The following PTPN12 variants were observed in gnomAD, a reference collection of about 807,000 sequenced individuals.
PTPN12 encodes protein tyrosine phosphatase non-receptor type 12.
PTPN12 carries 29 observed loss-of-function variants against 97.6 expected under a neutral mutation model. The observed-to-expected ratio is 0.30, with a 90% CI of 0.22 to 0.41. The LOEUF (loss-of-function observed/expected upper bound fraction) is 0.41, where lower values mean the gene tolerates loss of function less well. Among genes scored for constraint, PTPN12 ranks in the 10% least tolerant of loss-of-function variants. PTPN12 has a pLI of 1.00. For missense variants in PTPN12, 819 were observed against 926.0 expected, an observed-to-expected ratio of 0.88 and a Z score of 1.50; for synonymous variants, 327 against 300.4, an observed-to-expected ratio of 1.09 and a Z score of -0.91.
rs1010970376 is a variant in PTPN12, at chr7:77,544,299, A to C, written c.99+6654A>C. On this transcript the variant is annotated intron_variant, in intron 1 of 17. Transcript: ENST00000248594. ...GCTAGAGTGATAGGAAATATTTTCC[A>C]GTCCTTGCATTTGAGCTAATCTTAG... 3.3e-5 allele frequency among the ~76,000 whole-genome samples: 5 copies of C among 152,322 alleles called. No individual in the cohort carries two copies. The South Asian group carries it at 1.0e-3, about 32-fold the overall frequency.
intron 2 of PTPN12, among the ~76,000 whole-genome samples, chr7:77,573,460 T>C (rs892852885): frequency 3.9e-5 from 6 of 152,164 alleles, no homozygotes; most frequent in South Asian, 2.1e-4. Flanking sequence ...TAAAAGCTGG[T>C]AATCCCATTC....
intron 2 of PTPN12, among the ~76,000 whole-genome samples, chr7:77,573,970 A>G (rs746937076): frequency 6.6e-6 from 1 of 152,214 alleles, no homozygotes; most frequent in African/African-American, 2.4e-5. Context: ...CATGTTGGCC[A>G]GGCTGCTCTC....
intron 1 of PTPN12, among the ~76,000 whole-genome samples, chr7:77,546,092 C>T (rs1370027949): frequency 6.6e-6 from 1 of 152,118 alleles, no homozygotes; most frequent in Non-Finnish European, 1.5e-5. Flanking sequence ...TGACCACACA[C>T]AGCTACTTTT....
chr7:77,629,999 C>T (rs1032434281), intron 13 of PTPN12, among the ~76,000 whole-genome samples: 8 of 150,056 alleles, frequency 5.3e-5, no homozygotes, highest in African/African-American at 1.7e-4. Context: ...TGTGCCAGCT[C>T]ATTTCTGTTT....
chr7:77,547,460 TC>T (rs879442264), intron 1 of PTPN12, among the ~76,000 whole-genome samples: 69 of 152,230 alleles, frequency 4.5e-4, no homozygotes, highest in Non-Finnish European at 8.5e-4. Context: ...GGAGTTTGGG[TC>T]CCTTAGACTA....
At position 77,607,253 on chromosome 7, in the gene PTPN12, A is replaced by G. The variant is rs1252982173; in HGVS notation, c.714A>G (p.Thr238=). 4.3e-6 allele frequency: 7 copies of G among 1,609,990 alleles called. No individual in the cohort carries two copies. The highest frequency in any genetic ancestry group is 5.9e-6 in the Non-Finnish European group (7 of 1,178,200). The change falls in exon 9 of 18, where the codon ACA becomes ACG. Residue 238 remains threonine, a synonymous_variant. Coordinates refer to ENST00000248594, the MANE Select transcript of PTPN12 (RefSeq NM_002835.4). The part of the protein sequence containing the change: ...CIHCSAGCGR[T]GAICAIDYTW... ...TCCTTAGTGCAGGCTGTGGAAGAAC[A>G]GGTGCCATTTGTGCCATAGATTATA...
intron 1 of PTPN12, among the ~76,000 whole-genome samples, chr7:77,559,746 C>T (rs1026412924): frequency 6.8e-6 from 1 of 146,792 alleles, no homozygotes; most frequent in Non-Finnish European, 1.5e-5. Context: ...TGTGATGTTC[C>T]GAATGGGTTA....
At position 77,584,589 on chromosome 7, in the gene PTPN12, C is replaced by T. The variant is rs796739543; in HGVS notation, c.381+939C>T. On this transcript the variant is annotated intron_variant, in intron 4 of 17. Coordinates refer to ENST00000248594, the MANE Select transcript of PTPN12 (RefSeq NM_002835.4). The stretch of plus-strand genomic sequence containing the variant: ...CTGGAAACAATATAAAAATTATGTT[C>T]TAGATTGGCCGCGTGGGGTGGCTCA... Among the ~76,000 whole-genome samples the T allele has an allele frequency of 4.7e-4, 71 of 152,210 alleles. 1 individual carries two copies. The highest frequency in any genetic ancestry group is 1.7e-3 in the African/African-American group (70 of 41,538).
At chr7:77,630,532 C>G (rs1408981779) in intron 13 of PTPN12, among the ~76,000 whole-genome samples, 1 of 152,092 alleles carries the variant, frequency 6.6e-6, no homozygotes, top group Non-Finnish European at 1.5e-5. Context: ...AATTGTAACA[C>G]AATGGTAAGT....
intron 12 of PTPN12, among the ~76,000 whole-genome samples, chr7:77,620,995 C>A (rs1035923197): frequency 1.3e-5 from 2 of 152,088 alleles, no homozygotes; most frequent in African/African-American, 4.8e-5. Flanking sequence ...GGCATAGTGG[C>A]TCACGCCTGT....
intron 14 of PTPN12, among the ~76,000 whole-genome samples, chr7:77,632,906 G>A (rs752531816): frequency 6.6e-5 from 10 of 152,194 alleles, no homozygotes; most frequent in Non-Finnish European, 1.0e-4. Flanking sequence ...GCAGTGAGCC[G>A]AGATTGCGCC....
intron 1 of PTPN12, among the ~76,000 whole-genome samples, chr7:77,548,186 A>C (rs1214600887): frequency 3.9e-5 from 6 of 152,154 alleles, no homozygotes; most frequent in Non-Finnish European, 8.8e-5. Flanking sequence ...CATCTATCAG[A>C]TATGTTTAAA....
intron 8 of PTPN12, among the ~76,000 whole-genome samples, chr7:77,602,403 G>A (rs1788220075): frequency 1.3e-5 from 2 of 152,042 alleles, no homozygotes; most frequent in Non-Finnish European, 2.9e-5. Context: ...GGATTTAGGA[G>A]TGTAATGGAA....
intron 12 of PTPN12, among the ~76,000 whole-genome samples, chr7:77,626,279 G>C (rs975021387): frequency 1.3e-5 from 2 of 152,174 alleles, no homozygotes; most frequent in Non-Finnish European, 2.9e-5. Flanking sequence ...GCAGTCATAC[G>C]ACTGAGGTAA....
intron 2 of PTPN12, among the ~76,000 whole-genome samples, chr7:77,577,261 GTGT>G (rs1220808311): frequency 6.6e-6 from 1 of 152,166 alleles, no homozygotes; most frequent in Non-Finnish European, 1.5e-5. Flanking sequence ...AGTTTCAAAT[GTGT>G]CACTGCCATC....
intron 1 of PTPN12, among the ~76,000 whole-genome samples, chr7:77,546,541 A>G (rs1377621779): frequency 1.3e-5 from 2 of 152,220 alleles, no homozygotes; most frequent in African/African-American, 4.8e-5. Flanking sequence ...TCACACAAAA[A>G]TCTTGTTTGC....
At chr7:77,608,653 C>G (rs1562745887) in intron 9 of PTPN12, among the ~76,000 whole-genome samples, 1 of 152,038 alleles carries the variant, frequency 6.6e-6, no homozygotes, top group African/African-American at 2.4e-5. Context: ...CCTTCTTCCC[C>G]TTATTTCTCT....
At chr7:77,619,216 T>C (rs1788851847) in intron 12 of PTPN12, among the ~76,000 whole-genome samples, 2 of 152,140 alleles carry the variant, frequency 1.3e-5, no homozygotes, top group South Asian at 4.1e-4. Context: ...TAAAAAACTA[T>C]TAGAATATTT....
At chr7:77,579,139 T>C (rs908107666) in intron 2 of PTPN12, among the ~76,000 whole-genome samples, 2 of 152,198 alleles carry the variant, frequency 1.3e-5, no homozygotes, top group African/African-American at 4.8e-5. Flanking sequence ...ATTATTATCT[T>C]GAGATGGAGT....
Sources: allele counts gnomAD v4.1 joint callset (sites outside exome capture counted in the v4.1 genomes callset), GRCh38; gene constraint gnomAD v4.1.1; transcripts MANE v1.5; gene names NCBI Gene and HGNC (gene_info 2026-07-23, HGNC 2026-07-21).